The following C1QTNF3 variants were observed in gnomAD, a reference collection of about 807,000 sequenced individuals.
The protein encoded by C1QTNF3 is complement C1q tumor necrosis factor-related protein 3.
C1QTNF3 carries 26 observed loss-of-function variants against 32.6 expected under a neutral mutation model. The ratio of observed to expected loss-of-function variants is 0.80; its 90% CI spans 0.58 to 1.11. The LOEUF is 1.11. Ranked by LOEUF, C1QTNF3 falls within the 50% of genes least tolerant of loss-of-function variation. The pLI is 0.00. For synonymous variants in C1QTNF3, 155 were observed against 146.0 expected (o/e 1.06, Z -0.44); for missense variants, 362 against 398.2 (o/e 0.91, Z 0.77).
chr5:34,044,749 G>T (rs1554008726), upstream of C1QTNF3, among the ~76,000 whole-genome samples: 2 of 152,122 alleles, frequency 1.3e-5, no homozygotes. Context: ...TTCAGTCCAA[G>T]CAGTCAGTTC....
chr5:34,215,643 G>C, the C1QTNF3 span, among the ~76,000 whole-genome samples: 1 of 152,092 alleles, frequency 6.6e-6, no homozygotes, highest in East Asian at 1.9e-4. Flanking sequence ...TTTTTGTGTT[G>C]TTTTGTTTTT....
the C1QTNF3 span, among the ~76,000 whole-genome samples, chr5:34,153,863 A>T: frequency 3.7e-4 from 56 of 150,014 alleles, no homozygotes; most frequent in South Asian, 6.3e-4. Flanking sequence ...TAAAAAAAAA[A>T]AAAAAAAAAA....
the C1QTNF3 span, among the ~76,000 whole-genome samples, chr5:34,156,377 A>G: frequency 1.3e-5 from 2 of 151,984 alleles, no homozygotes; most frequent in African/African-American, 4.8e-5. Flanking sequence ...GGCTTCCAAA[A>G]CTTATATAAC....
At chr5:34,237,938 G>T in the C1QTNF3 span, among the ~76,000 whole-genome samples, 1 of 152,162 alleles carries the variant, frequency 6.6e-6, no homozygotes, top group African/African-American at 2.4e-5. Flanking sequence ...GTATAAAACA[G>T]CCAAGCCACT....
the C1QTNF3 span, among the ~76,000 whole-genome samples, chr5:34,172,893 C>A: frequency 2.1e-4 from 32 of 152,220 alleles, no homozygotes; most frequent in African/African-American, 7.0e-4. Flanking sequence ...TTTATTTTGC[C>A]ATCATAAACA....
chr5:34,240,994 C>T, the C1QTNF3 span, among the ~76,000 whole-genome samples: 3 of 151,858 alleles, frequency 2.0e-5, no homozygotes, highest in South Asian at 6.2e-4. Flanking sequence ...TGTGATTCAC[C>T]AGATAAACAG....
the C1QTNF3 span, among the ~76,000 whole-genome samples, chr5:34,078,240 C>A: frequency 6.6e-6 from 1 of 151,610 alleles, no homozygotes; most frequent in Non-Finnish European, 1.5e-5. The surrounding 1 kb of genome is among the most constrained non-coding windows in gnomAD (Gnocchi z 4.0). Context: ...TTGGTTTGAC[C>A]AAGGCCCAGT....
the C1QTNF3 span, among the ~76,000 whole-genome samples, chr5:34,088,052 T>G: frequency 1.3e-5 from 2 of 152,290 alleles, no homozygotes; most frequent in Non-Finnish European, 2.9e-5. Context: ...TTAAGCAAAT[T>G]ATGATGATAA....
chr5:34,032,146 A>G (rs925909254), intron 3 of C1QTNF3, among the ~76,000 whole-genome samples: 2 of 152,228 alleles, frequency 1.3e-5, no homozygotes, highest in Non-Finnish European at 2.9e-5. Context: ...AAAAAATGCT[A>G]GTTTTCAATG....
Position 34,020,606 on chromosome 5 carries a change from A to T in C1QTNF3, c.937T>A (p.Phe313Ile), listed in dbSNP as rs1579595097. The T allele has an allele frequency of 6.2e-7, 1 of 1,614,252 alleles. No individual in the cohort carries two copies. Among genetic ancestry groups the T allele is most frequent in the Non-Finnish European group, 8.5e-7 (1 of 1,180,040 alleles). ...DHQRFSTFAGFLLFETK is the reference protein window; with the variant it reads ...DHQRFSTFAGILLFETK ...ATTTACTTAGTTTCAAAGAGCAGGA[A>T]TCCTGCAAAGGTGGAGAAGCGTTGG... is the stretch of plus-strand genomic sequence containing the variant. The change falls in exon 6 of 6, where the codon TTC becomes ATC. Residue 313 changes from phenylalanine (F) to isoleucine (I), a missense_variant. Coordinates refer to ENST00000382065, the MANE Select transcript of C1QTNF3 (RefSeq NM_181435.6).
chr5:34,213,816 T>A, the C1QTNF3 span, among the ~76,000 whole-genome samples: 19 of 5,444 alleles, frequency 3.5e-3, no homozygotes, highest in African/African-American at 4.7e-3. Flanking sequence ...TATATTTTTT[T>A]TTTTTTGTGT....
In C1QTNF3 at chr5:34,020,310, TCAGA is replaced by T; in HGVS notation, c.*269_*272del. ...TAGAAAAAAATATTTCCAACCTGCGTCAGAGGAGAATTATCTTTTAGGTGCCAAG... is the reference window on the plus strand; with the variant it reads ...TAGAAAAAAATATTTCCAACCTGCGTGGAGAATTATCTTTTAGGTGCCAAG... On this transcript the variant is annotated 3_prime_UTR_variant, in exon 6 of 6. Transcript: ENST00000382065. The T allele has an allele frequency of 9.2e-6, 3 of 326,292 alleles. No individual in the cohort carries two copies. The Admixed American group carries it at 1.3e-4, about 14-fold the overall frequency. The allele number at this position is 326,292 out of a possible 1,614,324, so 20.2% of individuals were successfully genotyped here. A position where few individuals can be genotyped will look rare whatever the true frequency, so the allele number is the denominator to read the frequency against.
the C1QTNF3 span, among the ~76,000 whole-genome samples, chr5:34,159,017 A>G: frequency 6.6e-6 from 1 of 152,122 alleles, no homozygotes; most frequent in Non-Finnish European, 1.5e-5. Context: ...TGTATAAATA[A>G]TAATTTTATC....
chr5:34,045,823 C>T (rs996566253), upstream of C1QTNF3, among the ~76,000 whole-genome samples: 10 of 152,028 alleles, frequency 6.6e-5, no homozygotes, highest in Non-Finnish European at 1.2e-4. Flanking sequence ...CTGAGAGCTG[C>T]CAGGGAGCCT....
the C1QTNF3 span, among the ~76,000 whole-genome samples, chr5:34,065,240 C>T: frequency 1.4e-4 from 22 of 152,120 alleles, no homozygotes; most frequent in Non-Finnish European, 2.8e-4. Context: ...AGGACATGAA[C>T]AGACACTTCT....
chr5:34,218,306 T>C, the C1QTNF3 span: 73 of 150,802 alleles, frequency 4.8e-4, no homozygotes, highest in African/African-American at 1.6e-3. Flanking sequence ...GTTTGAAAAA[T>C]AGTCTAAGGC....
chr5:34,144,331 A>G, the C1QTNF3 span, among the ~76,000 whole-genome samples: 2 of 152,238 alleles, frequency 1.3e-5, no homozygotes, highest in Non-Finnish European at 2.9e-5. Context: ...GAAGACATCA[A>G]CACCCCAGTG....
chr5:34,092,539 T>C, the C1QTNF3 span, among the ~76,000 whole-genome samples: 2 of 145,950 alleles, frequency 1.4e-5, no homozygotes, highest in Admixed American at 6.6e-5. Context: ...TATGAAACCA[T>C]ATAATTTAAA....
At chr5:34,036,543 TTAACTA>T (rs1462914828) in intron 1 of C1QTNF3, among the ~76,000 whole-genome samples, 1 of 152,350 alleles carries the variant, frequency 6.6e-6, no homozygotes, top group East Asian at 1.9e-4. Flanking sequence ...TACATTGCTA[TTAACTA>T]TAAGTCCAAT....
Sources: gnomAD v4.1 joint callset for allele counts (sites outside exome capture counted in the v4.1 genomes callset) on GRCh38, gnomAD v4.1.1 for gene constraint, Gnocchi (gnomAD v3.1) non-coding constraint, MANE v1.5 for transcripts, NCBI Gene and HGNC (gene_info 2026-07-23, HGNC 2026-07-21) for gene names.